Variants in AMPD3 observed in about 807,000 individuals in gnomAD.
The protein encoded by AMPD3 is AMP deaminase 3.
Under a neutral mutation model 82.3 loss-of-function variants are expected in AMPD3, and 57 were observed. The observed-to-expected ratio is 0.69, with a 90% CI of 0.56 to 0.86. The LOEUF (loss-of-function observed/expected upper bound fraction) is 0.86, where lower values mean the gene tolerates loss of function less well. Among genes scored for constraint, AMPD3 ranks in the 40% least tolerant of loss-of-function variants. The pLI is 0.00. For missense variants in AMPD3, 870 were observed against 1,003.8 expected (o/e 0.87, Z 1.80); for synonymous variants, 381 against 394.7 (o/e 0.97, Z 0.41).
intron 1 of AMPD3, among the ~76,000 whole-genome samples, chr11:10,458,873 G>T (rs1382906772): frequency 6.6e-6 from 1 of 152,144 alleles, no homozygotes; most frequent in Non-Finnish European, 1.5e-5. Flanking sequence ...GGGCTGTTGG[G>T]TTGCATATCT....
At chr11:10,473,564 T>C in intron 2 of AMPD3, 1 of 985,240 alleles carries the variant, frequency 1.0e-6, no homozygotes, top group Non-Finnish European at 1.2e-6. Flanking sequence ...GGCTGCAAAG[T>C]GTTAGAATCA....
At chr11:10,497,293 T>G (rs558827198) in intron 10 of AMPD3, among the ~76,000 whole-genome samples, 2 of 36,614 alleles carry the variant, frequency 5.5e-5, no homozygotes, top group African/African-American at 1.7e-4. Flanking sequence ...CAGCCTCAGG[T>G]TTTTTTTTCG....
At chr11:10,476,968 C>A in intron 2 of AMPD3, 5 of 985,438 alleles carry the variant, frequency 5.1e-6, no homozygotes, top group Non-Finnish European at 6.0e-6. Flanking sequence ...GAAAAGGAGC[C>A]ACCTCTGTCT....
chr11:10,467,265 C>A (rs1161403824), intron 2 of AMPD3, among the ~76,000 whole-genome samples: 2 of 151,906 alleles, frequency 1.3e-5, no homozygotes, highest in African/African-American at 2.4e-5. Context: ...AGATAAGAAC[C>A]TTGAAAAAAG....
At chr11:10,468,665 C>G (rs1343846936) in intron 2 of AMPD3, among the ~76,000 whole-genome samples, 1 of 151,018 alleles carries the variant, frequency 6.6e-6, no homozygotes, top group Non-Finnish European at 1.5e-5. Context: ...GGAACAAGCT[C>G]CAACCCAAAT....
chr11:10,482,025 G>C (rs1848922194), intron 3 of AMPD3, 38 bp from the exon 4 acceptor site: 1 of 1,613,486 alleles, frequency 6.2e-7, no homozygotes, highest in East Asian at 2.2e-5. Context: ...TCTCAGGCCT[G>C]CTGCATGAAC....
At chr11:10,495,927 T>G (rs1385304865) in intron 9 of AMPD3, among the ~76,000 whole-genome samples, 194 bp downstream of exon 9, 1 of 151,010 alleles carries the variant, frequency 6.6e-6, no homozygotes, top group Non-Finnish European at 1.5e-5. Flanking sequence ...TTTTTTTTTT[T>G]TTTTTTTGAG....
chr11:10,450,947 C>A (rs937062487), upstream of AMPD3: 5 of 1,301,886 alleles, frequency 3.8e-6, no homozygotes, highest in Admixed American at 3.9e-5. Context: ...GCCTCAGTGC[C>A]CAGCAGCCCC....
intron 12 of AMPD3, chr11:10,501,879 AT>A: frequency 1.0e-6 from 1 of 984,022 alleles, no homozygotes. Flanking sequence ...TCCACAGCAT[AT>A]TTTTAATGTG....
At chr11:10,501,648 G>GT (rs1383889278) in intron 12 of AMPD3, 58 bp downstream of exon 12, 2 of 1,613,550 alleles carry the variant, frequency 1.2e-6, no homozygotes, top group East Asian at 4.5e-5. Flanking sequence ...TGGGCTCCTG[G>GT]GAGGCTCAAC....
chr11:10,499,683 C>T, intron 10 of AMPD3: 1 of 985,444 alleles, frequency 1.0e-6, no homozygotes, highest in African/African-American at 1.7e-5. Flanking sequence ...TACTAGGACC[C>T]TTTTCCCTCA....
rs560405331 is a variant in AMPD3 at position 10,484,943 on chromosome 11, T to C, written c.713T>C (p.Leu238Pro). 1 of 1,614,070 alleles carries C rather than the reference T, an allele frequency of 6.2e-7. No individual in the cohort carries two copies. Among genetic ancestry groups the C allele is most frequent in the Admixed American group, 1.7e-5 (1 of 60,008 alleles). The part of the protein sequence containing the change: ...ILFVYDNKKM[L>P]EHQEPHSLPY... ...TTTGTGTATGATAACAAGAAGATGCTGGAGCACCAGGAGCCGCACAGCCTA... is the reference window on the plus strand; with the variant it reads ...TTTGTGTATGATAACAAGAAGATGCCGGAGCACCAGGAGCCGCACAGCCTA... Residue 238 changes from leucine (L) to proline (P), a missense_variant, in exon 5 of 15, where the codon CTG becomes CCG. Leu to Pro is a moderately conservative substitution (Grantham distance 98). Coordinates refer to ENST00000396553, the MANE Select transcript of AMPD3 (RefSeq NM_001025389.2).
chr11:10,455,214 A>G (rs886047584), upstream of AMPD3: 1 of 985,302 alleles, frequency 1.0e-6, no homozygotes, highest in Non-Finnish European at 1.2e-6. Context: ...CCAGGACCAC[A>G]GGATTTGCCT....
chr11:10,451,238 C>T (rs936257240), upstream of AMPD3, among the ~76,000 whole-genome samples: 14 of 152,230 alleles, frequency 9.2e-5, no homozygotes, highest in African/African-American at 3.4e-4. Context: ...CCTGCCTCTG[C>T]GGTGGCCCGA....
intron 6 of AMPD3, chr11:10,490,370 C>A: frequency 2.0e-6 from 1 of 500,684 alleles, no homozygotes; most frequent in Non-Finnish European, 2.6e-6. Context: ...ACCTTCTGTG[C>A]CAAACCTGAC....
intron 2 of AMPD3, among the ~76,000 whole-genome samples, chr11:10,471,285 T>C (rs933674962): frequency 1.3e-5 from 2 of 152,236 alleles, no homozygotes; most frequent in East Asian, 3.9e-4. Flanking sequence ...ACTGGACTCC[T>C]TACACCTTAT....
At chr11:10,451,785 A>T (rs1847970251), upstream of AMPD3, among the ~76,000 whole-genome samples, 1 of 152,210 alleles carries the variant, frequency 6.6e-6, no homozygotes, top group South Asian at 2.1e-4. Flanking sequence ...TTCCCTCAGG[A>T]TGCAGTGACC....
Position 10,496,807 on chromosome 11 carries a change from C to T in AMPD3, c.1431-5C>T, listed in dbSNP as rs368499975. 3.3e-5 allele frequency: 54 copies of T among 1,614,116 alleles called. No homozygotes were observed. Among genetic ancestry groups the T allele is most frequent in the Non-Finnish European group, 4.5e-5 (53 of 1,180,016 alleles). On this transcript the variant is annotated splice_polypyrimidine_tract_variant and splice_region_variant and intron_variant, in intron 9 of 14. Coordinates refer to ENST00000396553, the MANE Select transcript of AMPD3 (RefSeq NM_001025389.2). ...CCTGACAAGCGAGTCTTTGCTGTCC[C>T]CCAGTGACATATTTAGGTCAAAGAA...
chr11:10,505,999 A>G lies in AMPD3; in HGVS notation c.*115A>G. 7.9e-7 allele frequency: 1 copy of G among 1,263,792 alleles called. No homozygotes were observed. The highest frequency in any genetic ancestry group is 1.1e-6 in the Non-Finnish European group (1 of 881,190). The allele number at this position is 1,263,792 out of a possible 1,614,324, so 78.3% of individuals were successfully genotyped here. ...CTCTGTGAAGAGGATGCCTCTGAAG[A>G]AATTTTAAACTGGTGATTTTGGTTG... On this transcript the variant is annotated 3_prime_UTR_variant, in exon 15 of 15. Transcript: ENST00000396553.
Sources: gnomAD v4.1 joint callset for allele counts (sites outside exome capture counted in the v4.1 genomes callset) on GRCh38, gnomAD v4.1.1 for gene constraint, MANE v1.5 for transcripts, NCBI Gene and HGNC (gene_info 2026-07-23, HGNC 2026-07-21) for gene names.